The following CTSB variants were observed in gnomAD, a reference collection of about 807,000 sequenced individuals.
CTSB encodes the protein cathepsin B, also known as APP secretase.
A neutral mutation model predicts 44.3 loss-of-function variants in CTSB; 57 were observed. The ratio of observed to expected loss-of-function variants is 1.29; its 90% CI spans 1.04 to 1.60. The LOEUF (loss-of-function observed/expected upper bound fraction) is 1.60. Ranked by LOEUF, CTSB falls within the 40% of genes most tolerant of loss-of-function variation. CTSB has a pLI of 0.00. For synonymous variants in CTSB, 320 were observed against 168.0 expected (o/e 1.91, Z -7.00); for missense variants, 768 against 443.0 (o/e 1.73, Z -6.59).
At position 11,847,766 on chromosome 8, in the gene CTSB, G is replaced by T; in HGVS notation, c.589C>A (p.Pro197Thr). 6.2e-7 allele frequency: 1 copy of T among 1,600,570 alleles called. No homozygotes were observed. The highest frequency in any genetic ancestry group is 8.5e-7 in the Non-Finnish European group (1 of 1,176,080). ...CEHHVNGSRP[P>T]CTGEGDTPKC... Reference sequence around the variant, plus strand: ...GGGGTATCTCCCTCCCCCGTGCATGGGGGCCGGGAGCCGTTGACGTGGTGC... The same window carrying T: ...GGGGTATCTCCCTCCCCCGTGCATGTGGGCCGGGAGCCGTTGACGTGGTGC... The change falls in exon 7 of 10, where the codon CCA becomes ACA. Residue 197 changes from proline (P) to threonine (T), a missense_variant. By Grantham distance (38) the Pro-to-Thr change is conservative (BLOSUM62 -1). Transcript: ENST00000353047.
intron 1 of CTSB, among the ~76,000 whole-genome samples, chr8:11,863,653 A>C (rs957166557): frequency 6.6e-6 from 1 of 152,218 alleles, no homozygotes; most frequent in Non-Finnish European, 1.5e-5. Flanking sequence ...TAATAATGGA[A>C]CACTAGGCAT....
rs578160162 is a variant in CTSB, at chr8:11,852,556, C to G, written c.212+54G>C. 2.5e-5 allele frequency: 38 copies of G among 1,502,466 alleles called. No homozygotes were observed. In the African/African-American group the frequency reaches 4.8e-4, roughly 19 times the overall value. The allele number at this position is 1,502,466 out of a possible 1,614,324, so 93.1% of individuals were successfully genotyped here. A position where few individuals can be genotyped will look rare whatever the true frequency, so the allele number is the denominator to read the frequency against. On this transcript the variant is annotated intron_variant, in intron 3 of 9. Coordinates refer to ENST00000353047, the MANE Select transcript of CTSB (RefSeq NM_001908.5). ...CTTCACTCTCCCACTTCCCACTGCC[C>G]CAAACCAACGCCTGCCACTCACATT...
At chr8:11,854,130 A>G (rs1303002373) in intron 1 of CTSB, among the ~76,000 whole-genome samples, 1 of 152,178 alleles carries the variant, frequency 6.6e-6, no homozygotes, top group Non-Finnish European at 1.5e-5. Context: ...CATGAGTCAC[A>G]AGCCAGTGCT....
At chr8:11,862,837 G>C (rs920886341) in intron 1 of CTSB, among the ~76,000 whole-genome samples, 2 of 152,234 alleles carry the variant, frequency 1.3e-5, no homozygotes, top group African/African-American at 4.8e-5. Context: ...GTCTTCTACA[G>C]GGCTCTCTAC....
chr8:11,847,612 G>C, intron 7 of CTSB, 67 bp downstream of exon 7: 2 of 1,481,894 alleles, frequency 1.3e-6, no homozygotes, highest in Non-Finnish European at 9.0e-7. Context: ...CTTCGCTGCA[G>C]CGTGAGGAGG....
intron 1 of CTSB, among the ~76,000 whole-genome samples, chr8:11,856,728 T>G (rs1382800160): frequency 6.6e-6 from 1 of 151,402 alleles, no homozygotes; most frequent in African/African-American, 2.4e-5. Context: ...CATAAGCATC[T>G]GACCCTCTCA....
At chr8:11,846,036 C>G (rs1018186944) in intron 8 of CTSB, 1 of 341,900 alleles carries the variant, frequency 2.9e-6, no homozygotes, top group Non-Finnish European at 5.3e-6. Context: ...TGCTTGTTGG[C>G]TTTAAAAATA....
intron 1 of CTSB, among the ~76,000 whole-genome samples, chr8:11,855,961 G>A (rs1486724363): frequency 6.6e-6 from 1 of 152,146 alleles, no homozygotes; most frequent in Non-Finnish European, 1.5e-5. Flanking sequence ...CCAGGAGGTG[G>A]AGATTGCAGT....
rs139775721 is a variant in CTSB at position 11,847,746 on chromosome 8, A to C, written c.609T>G (p.Asp203Glu). Residue 203 changes from aspartate (D) to glutamate (E), a missense_variant, in exon 7 of 10, where the codon GAT becomes GAG. Asp to Glu is a conservative substitution (Grantham distance 45). Coordinates refer to ENST00000353047, the MANE Select transcript of CTSB (RefSeq NM_001908.5). ...GSRPPCTGEG[D>E]TPKCSKICEP... ...CACAGATCTTGCTACACTTGGGGGTATCTCCCTCCCCCGTGCATGGGGGCC... is the reference window on the plus strand; with the variant it reads ...CACAGATCTTGCTACACTTGGGGGTCTCTCCCTCCCCCGTGCATGGGGGCC... 28 of 1,601,488 alleles carry C rather than the reference A, an allele frequency of 1.7e-5. No individual in the cohort carries two copies. Among genetic ancestry groups the C allele is most frequent in the Non-Finnish European group, 1.4e-5 (16 of 1,175,844 alleles).
chr8:11,849,140 A>C lies in CTSB; in HGVS notation c.352T>G (p.Ser118Ala). 6.2e-7 allele frequency: 1 copy of C among 1,612,998 alleles called. No individual in the cohort carries two copies. Among genetic ancestry groups the C allele is most frequent in the Non-Finnish European group, 8.5e-7 (1 of 1,179,786 alleles). The change falls in exon 5 of 10, where the codon TCT becomes GCT. Residue 118 changes from serine (S) to alanine (A), a missense_variant. Physicochemically the swap from Ser to Ala is moderately conservative, Grantham distance 99. Transcript: ENST00000353047. ...CWAFGAVEAI[S>A]DRICIHTNAH... ...TTGGTGTGGATGCAGATCCGGTCAG[A>C]GATGGCTTCCACAGCCCCGAAGGCC...
Position 11,842,531 on chromosome 8 carries a change from G to A in CTSB, c.*2594C>T, listed in dbSNP as rs1812420762. ...TGGAATGAATCAACTCAGTTTGGGAGCAGGGAGAACTTTATTGAGGTTATG... is the reference window on the plus strand; with the variant it reads ...TGGAATGAATCAACTCAGTTTGGGAACAGGGAGAACTTTATTGAGGTTATG... On this transcript the variant is annotated 3_prime_UTR_variant, in exon 10 of 10. Transcript: ENST00000353047. 1 of 152,212 alleles carries A rather than the reference G, an allele frequency of 6.6e-6. No individual in the cohort carries two copies. The allele number at this position is 152,212 out of a possible 1,614,324, so 9.4% of individuals were successfully genotyped here. A position where few individuals can be genotyped will look rare whatever the true frequency, so the allele number is the denominator to read the frequency against.
rs778341166 is a variant in CTSB, at chr8:11,853,469, C to T, written c.-15G>A. 2 of 1,609,594 alleles carry T rather than the reference C, an allele frequency of 1.2e-6. No individual in the cohort carries two copies. The highest frequency in any genetic ancestry group is 2.2e-5 in the South Asian group (2 of 90,770). ...AGCTGCCACATGTTGGAAGCCGGAT[C>T]CTAGATCCACCTGGAGAGGACAGAG... On this transcript the variant is annotated 5_prime_UTR_variant, in exon 2 of 10. Transcript: ENST00000353047.
Position 11,844,315 on chromosome 8 carries a change from GACTTC to G in CTSB, c.*805_*809del, listed in dbSNP as rs1812820922. The G allele has an allele frequency of 6.6e-6, 1 of 152,218 alleles. No individual in the cohort carries two copies. The highest frequency in any genetic ancestry group is 2.4e-5 in the African/African-American group (1 of 41,450). The allele number at this position is 152,218 out of a possible 1,614,324, so 9.4% of individuals were successfully genotyped here. A position where few individuals can be genotyped will look rare whatever the true frequency, so the allele number is the denominator to read the frequency against. On this transcript the variant is annotated 3_prime_UTR_variant, in exon 10 of 10. Transcript: ENST00000353047. ...AAGGATCTGAGATCCCATCAGAGTAGACTTCAAGTTGGAGAAAACTTTTATTGGCA... is the reference window on the plus strand; with the variant it reads ...AAGGATCTGAGATCCCATCAGAGTAGAAGTTGGAGAAAACTTTTATTGGCA...
intron 4 of CTSB, chr8:11,849,549 G>A (rs1359913240): frequency 5.8e-6 from 1 of 171,316 alleles, no homozygotes; most frequent in African/African-American, 2.4e-5. Context: ...TCTGCAAAAT[G>A]TGTAGTATTA....
intron 3 of CTSB, 104 bp downstream of exon 3, chr8:11,852,506 T>C (rs1026667655): frequency 3.9e-6 from 3 of 772,038 alleles, no homozygotes; most frequent in East Asian, 2.7e-5. Context: ...CTGGGCAGCA[T>C]GAGCCCTGCG....
At chr8:11,855,028 G>A (rs1174519883) in intron 1 of CTSB, 1 of 152,350 alleles carries the variant, frequency 6.6e-6, no homozygotes, top group East Asian at 1.9e-4. Flanking sequence ...ACACAGAATT[G>A]TTTTGTTTTT....
rs1813508290 is a variant in CTSB, at chr8:11,847,060, T to C, written c.785A>G (p.Tyr262Cys). 3 of 1,587,926 alleles carry C rather than the reference T, an allele frequency of 1.9e-6. No homozygotes were observed. The highest frequency in any genetic ancestry group is 1.3e-5 in the African/African-American group (1 of 74,280). The change falls in exon 8 of 10, where the codon TAC becomes TGC. Residue 262 changes from tyrosine to cysteine, a missense_variant. Tyr to Cys is a radical substitution (Grantham distance 194, BLOSUM62 -2). Coordinates refer to ENST00000353047, the MANE Select transcript of CTSB (RefSeq NM_001908.5). ...CAGCCATCAGCACGCACCTGACTTG[T>C]AGAGCAGGAAGTCCGAATACACAGA... is the stretch of plus-strand genomic sequence containing the variant. ...AFSVYSDFLL[Y>C]KSGVYQHVTG...
intron 1 of CTSB, chr8:11,854,739 C>T (rs1457633681): frequency 6.6e-6 from 1 of 152,240 alleles, no homozygotes; most frequent in Non-Finnish European, 1.5e-5. Flanking sequence ...CCTCAGCCTC[C>T]CAAAGTGCTG....
At chr8:11,855,355 T>C (rs1312730712) in intron 1 of CTSB, among the ~76,000 whole-genome samples, 7 of 152,106 alleles carry the variant, frequency 4.6e-5, no homozygotes, top group Admixed American at 2.6e-4. Flanking sequence ...ATGAAAAAAA[T>C]CAATGCCCTT....
Sources: allele counts gnomAD v4.1 joint callset (sites outside exome capture counted in the v4.1 genomes callset), GRCh38; gene constraint gnomAD v4.1.1; transcripts MANE v1.5; gene names NCBI Gene and HGNC (gene_info 2026-07-23, HGNC 2026-07-21).